The following DACH2 variants were observed in gnomAD, a reference collection of about 807,000 sequenced individuals.
DACH2 encodes the protein dachshund homolog 2.
Under a neutral mutation model 35.8 loss-of-function variants are expected in DACH2, and 17 were observed. The ratio of observed to expected loss-of-function variants is 0.48; its 90% confidence interval spans 0.33 to 0.71. The LOEUF (loss-of-function observed/expected upper bound fraction) is 0.71. Among genes scored for constraint, DACH2 ranks in the 30% least tolerant of loss-of-function variants. The pLI is 0.02. For missense variants in DACH2, 469 were observed against 472.7 expected, an observed-to-expected ratio of 0.99 and a Z score of 0.07; for synonymous variants, 195 against 177.3, an observed-to-expected ratio of 1.10 and a Z score of -0.79.
chrX:86,449,583 T>C (rs986466933), intron 2 of DACH2, among the ~76,000 whole-genome samples: 5 of 111,113 alleles, frequency 4.5e-5, no homozygotes, highest in Admixed American at 3.9e-4. Flanking sequence ...TCATCTCTTA[T>C]TGTCTTTCTT....
intron 7 of DACH2, among the ~76,000 whole-genome samples, chrX:86,792,861 T>C (rs1011336626): frequency 1.8e-5 from 2 of 112,073 alleles, no homozygotes; most frequent in Admixed American, 9.5e-5. Context: ...CTTTGATATA[T>C]TGATTTCTTT....
At chrX:86,173,502 GA>G (rs2031195466) in intron 1 of DACH2, among the ~76,000 whole-genome samples, 1 of 111,486 alleles carries the variant, frequency 9.0e-6, no homozygotes, top group African/African-American at 3.3e-5. Context: ...AAAGGGAGAG[GA>G]GTTAGGCAAG....
At chrX:86,504,304 T>C (rs2038292413) in intron 2 of DACH2, among the ~76,000 whole-genome samples, 2 of 110,708 alleles carry the variant, frequency 1.8e-5, no homozygotes, top group South Asian at 3.8e-4. Flanking sequence ...TTCTGGTTTG[T>C]TGTATTGTGC....
chrX:86,313,213 A>G (rs898943956), intron 1 of DACH2, among the ~76,000 whole-genome samples: 7 of 111,546 alleles, frequency 6.3e-5, no homozygotes, highest in Non-Finnish European at 1.3e-4. Context: ...AATCTTATAG[A>G]TCTAGTTCTA....
At chrX:86,259,863 A>C (rs953412935) in intron 1 of DACH2, among the ~76,000 whole-genome samples, 1 of 111,571 alleles carries the variant, frequency 9.0e-6, no homozygotes, top group Non-Finnish European at 1.9e-5. Context: ...AAATCCTCTT[A>C]TCCATTATCT....
chrX:86,451,123 T>G (rs1351106240), intron 2 of DACH2, among the ~76,000 whole-genome samples: 1 of 111,793 alleles, frequency 8.9e-6, no homozygotes, highest in East Asian at 2.8e-4. Flanking sequence ...TTGGTGTTTT[T>G]GTTATGAAAT....
At chrX:86,522,644 A>AC (rs2038572749) in intron 3 of DACH2, among the ~76,000 whole-genome samples, 1 of 6,218 alleles carries the variant, frequency 1.6e-4, no homozygotes, top group African/African-American at 2.2e-3. Flanking sequence ...TAGATGTTCC[A>AC]AAATGAAGTT....
intron 7 of DACH2, among the ~76,000 whole-genome samples, chrX:86,791,009 A>C (rs1489537069): frequency 8.9e-6 from 1 of 112,068 alleles, no homozygotes; most frequent in African/African-American, 3.2e-5. Context: ...AATGTTATTA[A>C]GCAAATTATA....
At chrX:86,293,323 C>T (rs769469197) in intron 1 of DACH2, among the ~76,000 whole-genome samples, 2 of 110,164 alleles carry the variant, frequency 1.8e-5, no homozygotes, top group East Asian at 5.7e-4. Context: ...ATGTGTCTCT[C>T]TGCACGTGAG....
intron 2 of DACH2, among the ~76,000 whole-genome samples, chrX:86,473,901 A>T (rs1279947818): frequency 9.0e-6 from 1 of 111,653 alleles, no homozygotes; most frequent in African/African-American, 3.3e-5. Context: ...AGATTATGGA[A>T]TACAGTAGCT....
At chrX:86,605,924 C>T (rs1039317383) in intron 3 of DACH2, among the ~76,000 whole-genome samples, 2 of 111,012 alleles carry the variant, frequency 1.8e-5, no homozygotes, top group African/African-American at 6.5e-5. Context: ...TTTTAGTTTA[C>T]ATCTCTGCTT....
intron 1 of DACH2, among the ~76,000 whole-genome samples, chrX:86,190,816 T>A: frequency 9.0e-6 from 1 of 111,079 alleles, no homozygotes. Flanking sequence ...TGGTGGCTCA[T>A]GCCTGTAATC....
Position 86,329,561 on chromosome X carries a change from AT to A in DACH2, c.489-47253del, listed in dbSNP as rs57360476. ...TCAGCTCTCAGCATCAATCAAATAA[AT>A]TTTTTTTTTCTTACTTAAGAAAAAT... On this transcript the variant is annotated intron_variant, in intron 1 of 11. Transcript: ENST00000373125. Among the ~76,000 whole-genome samples the A allele has an allele frequency of 1.5e-3, 165 of 108,039 alleles. 1 individual carries two copies. Among genetic ancestry groups the A allele is most frequent in the African/African-American group, 3.3e-3 (99 of 29,569 alleles). 93.8% of individuals were successfully genotyped at this position (108,039 alleles called of 115,157 possible).
At chrX:86,633,195 T>C (rs1331002542) in intron 3 of DACH2, among the ~76,000 whole-genome samples, 1 of 110,528 alleles carries the variant, frequency 9.0e-6, no homozygotes, top group African/African-American at 3.3e-5. Flanking sequence ...ATAAACAAAA[T>C]GGATAAAGCT....
At position 86,667,253 on chromosome X, in the gene DACH2, AAAAG is replaced by A. The variant is rs1396407357; in HGVS notation, c.772+16092_772+16095del. Among the ~76,000 whole-genome samples, 11 of 94,495 alleles carry A rather than the reference AAAAG, an allele frequency of 1.2e-4. No individual in the cohort carries two copies. The East Asian group carries it at 3.7e-3, about 32-fold the overall frequency. The allele number at this position is 94,495 out of a possible 115,157, so 82.1% of individuals were successfully genotyped here. ...ACAGAGCAAGACTCTGTCAAAAAAAAAAAGAAAGAGAGAGAGAAAGAGAGAGAGA... is the reference window on the plus strand; with the variant it reads ...ACAGAGCAAGACTCTGTCAAAAAAAAAAAGAGAGAGAGAAAGAGAGAGAGA... On this transcript the variant is annotated intron_variant, in intron 4 of 11. Coordinates refer to ENST00000373125, the MANE Select transcript of DACH2 (RefSeq NM_053281.3).
At chrX:86,157,191 A>G (rs773113083) in intron 1 of DACH2, among the ~76,000 whole-genome samples, 3 of 111,515 alleles carry the variant, frequency 2.7e-5, no homozygotes, top group African/African-American at 6.5e-5. Context: ...TTTTATTGCT[A>G]TATAATATTT....
intron 4 of DACH2, among the ~76,000 whole-genome samples, chrX:86,694,801 A>G (rs1053677662): frequency 3.6e-5 from 4 of 111,880 alleles, no homozygotes; most frequent in African/African-American, 1.3e-4. Context: ...ACAAGTCAAG[A>G]GTGCCTATAC....
chrX:86,667,839 A>G (rs1444956098), intron 4 of DACH2, among the ~76,000 whole-genome samples: 1 of 112,145 alleles, frequency 8.9e-6, no homozygotes, highest in African/African-American at 3.2e-5. Flanking sequence ...ATGAACAGGA[A>G]CACTTTAAAG....
chrX:86,627,461 T>A (rs928197885), intron 3 of DACH2, among the ~76,000 whole-genome samples: 1 of 111,755 alleles, frequency 8.9e-6, no homozygotes, highest in Non-Finnish European at 1.9e-5. Flanking sequence ...CGATAGTTAA[T>A]AGAAACATAG....
Sources: gnomAD v4.1 joint callset for allele counts (sites outside exome capture counted in the v4.1 genomes callset) on GRCh38, gnomAD v4.1.1 for gene constraint, MANE v1.5 for transcripts, NCBI Gene and HGNC (gene_info 2026-07-23, HGNC 2026-07-21) for gene names.